EIF3L: variants seen among roughly 807,000 people sequenced by gnomAD.
EIF3L encodes eukaryotic translation initiation factor 3 subunit L.
Under a neutral mutation model 74.6 loss-of-function variants are expected in EIF3L, and 32 were observed. The observed-to-expected ratio is 0.43, with a 90% CI of 0.32 to 0.58. The LOEUF is 0.58. Among genes scored for constraint, EIF3L ranks in the 20% least tolerant of loss-of-function variants. EIF3L has a pLI of 0.06. For missense variants in EIF3L, 474 were observed against 707.8 expected (o/e 0.67, Z 3.75); for synonymous variants, 256 against 254.4 (o/e 1.01, Z -0.06).
chr22:37,867,806 T>A (rs1261459631), intron 7 of EIF3L, among the ~76,000 whole-genome samples: 2 of 151,338 alleles, frequency 1.3e-5, no homozygotes, highest in Non-Finnish European at 2.9e-5. Context: ...TACAAAAAAA[T>A]TTGCCAGGCA....
intron 5 of EIF3L, among the ~76,000 whole-genome samples, chr22:37,861,388 G>A (rs955353299): frequency 1.3e-5 from 2 of 152,082 alleles, no homozygotes; most frequent in Non-Finnish European, 2.9e-5. Context: ...TTATCTGATA[G>A]AAAGTAAAGA....
At chr22:37,858,178 A>G (rs1925638372) in intron 4 of EIF3L, among the ~76,000 whole-genome samples, 1 of 151,418 alleles carries the variant, frequency 6.6e-6, no homozygotes, top group Non-Finnish European at 1.5e-5. Flanking sequence ...CCTGTCTTCA[A>G]ACAAACAAAC....
chr22:37,853,017 C>G (rs746471247), intron 3 of EIF3L, among the ~76,000 whole-genome samples: 1 of 152,154 alleles, frequency 6.6e-6, no homozygotes, highest in Non-Finnish European at 1.5e-5. Flanking sequence ...CCAAAACATG[C>G]TACCAATGAT....
rs1028483434 is a variant in EIF3L at position 37,888,814 on chromosome 22, T to G, written c.*350T>G. The G allele has an allele frequency of 4.2e-6, 1 of 236,958 alleles. No individual in the cohort carries two copies. The highest frequency in any genetic ancestry group is 1.4e-3 in the Middle Eastern group (1 of 710). 14.7% of individuals were successfully genotyped at this position (236,958 alleles called of 1,614,324 possible). The stretch of plus-strand genomic sequence containing the variant: ...CTGGAGTGCAGTAGCGTGATCTCAG[T>G]TCGTTGCATCCTCCGCTGCCCAGGT... On this transcript the variant is annotated 3_prime_UTR_variant, in exon 13 of 13. Coordinates refer to ENST00000652021, the MANE Select transcript of EIF3L (RefSeq NM_016091.4).
At chr22:37,877,292 T>G in intron 10 of EIF3L, 1 of 191,014 alleles carries the variant, frequency 5.2e-6, no homozygotes, top group Non-Finnish European at 1.1e-5. Context: ...GGCCCGTTGT[T>G]GACTGAAACG....
chr22:37,874,962 C>T (rs1398177562), intron 9 of EIF3L, among the ~76,000 whole-genome samples: 1 of 136,424 alleles, frequency 7.3e-6, no homozygotes, highest in Non-Finnish European at 1.5e-5. Flanking sequence ...CCAAGATGGT[C>T]TCGATCTCCT....
intron 12 of EIF3L, chr22:37,887,616 C>T (rs1047634157): frequency 2.0e-5 from 3 of 152,366 alleles, no homozygotes; most frequent in Non-Finnish European, 2.9e-5. Flanking sequence ...TGGCTGGCTG[C>T]TTGGGGTTTG....
Position 37,858,680 on chromosome 22 carries a change from T to A in EIF3L, c.375T>A (p.Asp125Glu). 6.2e-7 allele frequency: 1 copy of A among 1,611,766 alleles called. No homozygotes were observed. The highest frequency in any genetic ancestry group is 8.5e-7 in the Non-Finnish European group (1 of 1,179,354). Reference sequence around the variant, plus strand: ...GCACCCTTCTGCCATCTCTTTCAGATGCTGTCTTCCTGATTTTATACAAAG... The same window carrying A: ...GCACCCTTCTGCCATCTCTTTCAGAAGCTGTCTTCCTGATTTTATACAAAG... Reference protein sequence around the residue: ...AEAIAPQVGNDAVFLILYKEL... With the variant: ...AEAIAPQVGNEAVFLILYKEL... Residue 125 changes from aspartate to glutamate, a missense_variant and splice_region_variant, in exon 5 of 13, where the codon GAT becomes GAA. Transcript: ENST00000652021.
At chr22:37,886,664 A>G (rs1927337448) in intron 11 of EIF3L, 101 bp from the exon 12 acceptor site, 5 of 905,286 alleles carry the variant, frequency 5.5e-6, no homozygotes, top group South Asian at 1.5e-5. Context: ...TACATCTAAC[A>G]CTCACCATCA....
chr22:37,866,972 T>C (rs6000914), intron 7 of EIF3L, among the ~76,000 whole-genome samples: 10,897 of 152,208 alleles, frequency 0.072, 1,303 homozygotes, highest in African/African-American at 0.25. Context: ...TAATATATTG[T>C]CCCACCAATG....
At chr22:37,854,544 C>T (rs563293304) in intron 3 of EIF3L, among the ~76,000 whole-genome samples, 3 of 152,280 alleles carry the variant, frequency 2.0e-5, no homozygotes, top group African/African-American at 4.8e-5. Flanking sequence ...CTCAGCTCAT[C>T]GCAACCTCCG....
chr22:37,875,242 G>A (rs1926683608), intron 9 of EIF3L, among the ~76,000 whole-genome samples: 1 of 151,742 alleles, frequency 6.6e-6, no homozygotes, highest in Non-Finnish European at 1.5e-5. Context: ...GCTGGGTATG[G>A]TGGTGGGCAC....
intron 5 of EIF3L, among the ~76,000 whole-genome samples, chr22:37,859,445 G>T (rs1014060986): frequency 2.2e-5 from 3 of 134,824 alleles, no homozygotes; most frequent in Non-Finnish European, 4.6e-5. Flanking sequence ...ACAGTGGCGC[G>T]ATCTCAGCTC....
At chr22:37,851,133 G>A in intron 2 of EIF3L, 147 bp from the exon 3 acceptor site, 2 of 623,536 alleles carry the variant, frequency 3.2e-6, no homozygotes, top group Non-Finnish European at 5.6e-6. Flanking sequence ...AACGAGATTG[G>A]GAGTGACTTG....
At chr22:37,860,625 G>A (rs888391177) in intron 5 of EIF3L, among the ~76,000 whole-genome samples, 16 of 152,114 alleles carry the variant, frequency 1.1e-4, no homozygotes, top group Non-Finnish European at 2.2e-4. Context: ...CGCCCGCCTC[G>A]GCTTCCCAAA....
At position 37,886,649 on chromosome 22, in the gene EIF3L, A is replaced by T; in HGVS notation, c.1576-116A>T. The T allele has an allele frequency of 5.6e-6, 4 of 714,688 alleles. No individual in the cohort carries two copies. The South Asian group carries it at 7.1e-5, about 13-fold the overall frequency. The allele number at this position is 714,688 out of a possible 1,614,324, so 44.3% of individuals were successfully genotyped here. A position where few individuals can be genotyped will look rare whatever the true frequency, so the allele number is the denominator to read the frequency against. On this transcript the variant is annotated intron_variant, in intron 11 of 12. Transcript: ENST00000652021. ...GTGTTTTTCCAGTGGTCTTTTCCCCACCTTTACATCTAACACTCACCATCA... is the reference window on the plus strand; with the variant it reads ...GTGTTTTTCCAGTGGTCTTTTCCCCTCCTTTACATCTAACACTCACCATCA...
chr22:37,863,645 G>C (rs912261225), intron 7 of EIF3L, among the ~76,000 whole-genome samples: 1 of 152,202 alleles, frequency 6.6e-6, no homozygotes, highest in Admixed American at 6.5e-5. Flanking sequence ...GAGCGAGGTG[G>C]AAGTGGATTC....
intron 7 of EIF3L, among the ~76,000 whole-genome samples, chr22:37,865,066 CCTT>C (rs1334289701): frequency 1.3e-5 from 2 of 152,174 alleles, no homozygotes; most frequent in African/African-American, 4.8e-5. Flanking sequence ...TTAGCCCAGT[CCTT>C]CTATTTAAAA....
At chr22:37,849,556 G>A in intron 1 of EIF3L, 74 bp downstream of exon 1, 1 of 1,493,566 alleles carries the variant, frequency 6.7e-7, no homozygotes, top group Non-Finnish European at 9.0e-7. Flanking sequence ...GGGTCCCGGC[G>A]CGAGGCAGCT....
Sources: gnomAD v4.1 joint callset for allele counts (sites outside exome capture counted in the v4.1 genomes callset) on GRCh38, gnomAD v4.1.1 for gene constraint, MANE v1.5 for transcripts, NCBI Gene and HGNC (gene_info 2026-07-23, HGNC 2026-07-21) for gene names.